Variants in JAZF1 observed in about 807,000 individuals in gnomAD.
JAZF1 encodes the protein juxtaposed with another zinc finger protein 1.
In JAZF1, 8 loss-of-function variants were observed where a neutral mutation model predicts 26.4. The observed-to-expected ratio is 0.30, with a 90% CI of 0.18 to 0.55. The LOEUF (loss-of-function observed/expected upper bound fraction) is 0.55, where lower values mean the gene tolerates loss of function less well. Among genes scored for constraint, JAZF1 ranks in the 20% least tolerant of loss-of-function variants. The pLI, the probability that JAZF1 is intolerant of heterozygous loss-of-function variation, is 0.94. For synonymous variants in JAZF1, 126 were observed against 122.3 expected (o/e 1.03, Z -0.20); for missense variants, 199 against 322.0 (o/e 0.62, Z 2.92).
intron 1 of JAZF1, among the ~76,000 whole-genome samples, chr7:28,127,763 G>A (rs542990410): frequency 2.0e-5 from 3 of 152,248 alleles, no homozygotes; most frequent in South Asian, 2.1e-4. Context: ...AGAAGGGAAA[G>A]CAAATGCAAC....
chr7:27,867,881 A>G (rs1214953405), intron 3 of JAZF1, among the ~76,000 whole-genome samples: 1 of 152,188 alleles, frequency 6.6e-6, no homozygotes, highest in Non-Finnish European at 1.5e-5. Context: ...CAGAGGGCCA[A>G]GGTCTCAGTG....
chr7:28,111,974 T>G (rs1308298061), intron 1 of JAZF1, among the ~76,000 whole-genome samples: 1 of 152,242 alleles, frequency 6.6e-6, no homozygotes, highest in African/African-American at 2.4e-5. Flanking sequence ...TATGGTGCTA[T>G]ACCAACATCT....
At chr7:28,013,814 A>T (rs1782838941) in intron 1 of JAZF1, among the ~76,000 whole-genome samples, 1 of 152,168 alleles carries the variant, frequency 6.6e-6, no homozygotes, top group South Asian at 2.1e-4. Context: ...CAATTCACTC[A>T]GCTACCTTTA....
intron 1 of JAZF1, among the ~76,000 whole-genome samples, chr7:28,112,377 T>A (rs1784674833): frequency 6.6e-6 from 1 of 152,238 alleles, no homozygotes; most frequent in South Asian, 2.1e-4. Context: ...ACTGTCTCCA[T>A]TTTCTTTTTA....
chr7:27,893,507 C>T (rs1784009861), intron 3 of JAZF1, among the ~76,000 whole-genome samples: 1 of 152,154 alleles, frequency 6.6e-6, no homozygotes, highest in Non-Finnish European at 1.5e-5. Context: ...GCCAGGCTGT[C>T]CCCCTCCATG....
chr7:27,890,514 A>G (rs1783953514), intron 3 of JAZF1, among the ~76,000 whole-genome samples: 1 of 152,222 alleles, frequency 6.6e-6, no homozygotes, highest in Non-Finnish European at 1.5e-5. Context: ...AGTTTAAAAA[A>G]AGTATTAATG....
chr7:27,905,036 T>G (rs989065121), intron 2 of JAZF1, among the ~76,000 whole-genome samples: 10 of 152,154 alleles, frequency 6.6e-5, no homozygotes, highest in African/African-American at 2.4e-4. Flanking sequence ...TGGGCTCAAG[T>G]GATCCTCTTG....
chr7:28,019,444 A>G (rs1782965011), intron 1 of JAZF1, among the ~76,000 whole-genome samples: 1 of 151,712 alleles, frequency 6.6e-6, no homozygotes, highest in African/African-American at 2.4e-5. Context: ...CCTTAGCAAC[A>G]CTCTTTTCAT....
At chr7:28,175,512 G>T (rs1263015048) in intron 1 of JAZF1, among the ~76,000 whole-genome samples, 1 of 152,198 alleles carries the variant, frequency 6.6e-6, no homozygotes, top group East Asian at 1.9e-4. Context: ...CCGTGAGATG[G>T]ATGCTGCTAC....
chr7:27,919,391 A>G (rs1035000253), intron 2 of JAZF1, among the ~76,000 whole-genome samples: 1 of 152,226 alleles, frequency 6.6e-6, no homozygotes, highest in African/African-American at 2.4e-5. Flanking sequence ...TAAGGAATAA[A>G]GATCATAAGT....
chr7:28,155,420 G>T (rs112148164), intron 1 of JAZF1, among the ~76,000 whole-genome samples: 1 of 152,152 alleles, frequency 6.6e-6, no homozygotes, highest in African/African-American at 2.4e-5. Flanking sequence ...TCACTCTTCT[G>T]ATAGAGGCAC....
chr7:27,880,526 G>A (rs1235910727), intron 3 of JAZF1, among the ~76,000 whole-genome samples: 5 of 151,972 alleles, frequency 3.3e-5, no homozygotes, highest in Admixed American at 2.6e-4. Flanking sequence ...CCAGCTACTC[G>A]GGAGGCTGAG....
chr7:27,932,406 T>C (rs1004051633), intron 2 of JAZF1, among the ~76,000 whole-genome samples: 1 of 152,200 alleles, frequency 6.6e-6, no homozygotes, highest in Non-Finnish European at 1.5e-5. Flanking sequence ...CATAATGTAA[T>C]ACTTTATGAG....
At chr7:28,021,101 G>A (rs778650480) in intron 1 of JAZF1, among the ~76,000 whole-genome samples, 18 of 152,086 alleles carry the variant, frequency 1.2e-4, no homozygotes, top group Non-Finnish European at 2.5e-4. Flanking sequence ...GAGGGCCCAC[G>A]GTCCAACAAG....
chr7:28,036,512 G>A (rs759339997), intron 1 of JAZF1, among the ~76,000 whole-genome samples: 5 of 152,158 alleles, frequency 3.3e-5, no homozygotes, highest in Non-Finnish European at 5.9e-5. Flanking sequence ...GTAGAGTAAC[G>A]CAACCTCACT....
intron 2 of JAZF1, among the ~76,000 whole-genome samples, chr7:27,951,743 A>G (rs991357833): frequency 2.0e-5 from 3 of 152,262 alleles, no homozygotes; most frequent in African/African-American, 7.2e-5. Context: ...AACAAGACAA[A>G]AACACTGCTC....
chr7:27,935,996 G>A (rs1198363043), intron 2 of JAZF1, among the ~76,000 whole-genome samples: 2 of 152,156 alleles, frequency 1.3e-5, no homozygotes, highest in East Asian at 1.9e-4. Context: ...CCAGTACCTC[G>A]TGCGCCTTGC....
intron 3 of JAZF1, among the ~76,000 whole-genome samples, chr7:27,861,373 TA>T (rs1783376436): frequency 6.6e-6 from 1 of 152,144 alleles, no homozygotes; most frequent in African/African-American, 2.4e-5. Context: ...ATTCTAATGT[TA>T]CACACCTCCT....
At chr7:27,981,205 T>C (rs1224434406) in intron 2 of JAZF1, among the ~76,000 whole-genome samples, 2 of 152,220 alleles carry the variant, frequency 1.3e-5, no homozygotes, top group African/African-American at 4.8e-5. Flanking sequence ...GTAATTATAA[T>C]GAGGTGCCCA....
Sources: gnomAD v4.1 joint callset for allele counts (sites outside exome capture counted in the v4.1 genomes callset) on GRCh38, gnomAD v4.1.1 for gene constraint, MANE v1.5 for transcripts, NCBI Gene and HGNC (gene_info 2026-07-23, HGNC 2026-07-21) for gene names.